HEATR3: variants seen among roughly 807,000 people sequenced by gnomAD.
HEATR3 encodes HEAT repeat-containing protein 3.
A neutral mutation model predicts 72.8 loss-of-function variants in HEATR3; 56 were observed. The ratio of observed to expected loss-of-function variants is 0.77; its 90% confidence interval spans 0.62 to 0.96. HEATR3 has a LOEUF of 0.96. HEATR3 is among the 40% of genes least tolerant of loss of function. The pLI is 0.00. For missense variants in HEATR3, 747 were observed against 831.4 expected (o/e 0.90, Z 1.25); for synonymous variants, 331 against 318.1 (o/e 1.04, Z -0.43).
At chr16:50,103,052 T>C (rs1224025877) in intron 14 of HEATR3, among the ~76,000 whole-genome samples, 1 of 152,220 alleles carries the variant, frequency 6.6e-6, no homozygotes, top group African/African-American at 2.4e-5. Flanking sequence ...TGTGAGCCAC[T>C]GTGCCCAGCC....
At chr16:50,100,136 C>T in intron 12 of HEATR3, 94 bp from the exon 13 acceptor site, 3 of 1,186,610 alleles carry the variant, frequency 2.5e-6, no homozygotes, top group South Asian at 3.0e-5. Context: ...AATCCTGTAG[C>T]CTATAGAGGA....
chr16:50,092,603 AT>A (rs907997732), intron 11 of HEATR3, among the ~76,000 whole-genome samples: 41 of 143,596 alleles, frequency 2.9e-4, no homozygotes, highest in Admixed American at 7.6e-4. Context: ...CGCCTGGCTA[AT>A]TTTTTTTTTT....
At chr16:50,068,547 A>T (rs1484403754) in intron 2 of HEATR3, among the ~76,000 whole-genome samples, 2 of 152,140 alleles carry the variant, frequency 1.3e-5, no homozygotes, top group Non-Finnish European at 2.9e-5. Context: ...GCACCTGTAT[A>T]CTGTTTCAGA....
At chr16:50,083,840 G>C in intron 7 of HEATR3, 97 bp from the exon 8 acceptor site, 1 of 1,068,848 alleles carries the variant, frequency 9.4e-7, no homozygotes, top group Non-Finnish European at 1.4e-6. Flanking sequence ...TATTCCAAGC[G>C]CAAAAATCTT....
chr16:50,092,970 G>C (rs906813346), intron 11 of HEATR3, among the ~76,000 whole-genome samples: 3 of 152,164 alleles, frequency 2.0e-5, no homozygotes, highest in Non-Finnish European at 2.9e-5. Context: ...TCTGTGAGGA[G>C]GTAACATTTG....
In HEATR3 at chr16:50,084,241, C is replaced by G. The variant is rs759405670; in HGVS notation, c.1240C>G (p.Leu414Val). ...GGGACAGCTGTTTTCTCCCCTCTGC[C>G]TCTCCCATGAAGTTCACACGGCTCT... ...CGGQLFSPLC[L>V]SHEVHTALTN... The change falls in exon 9 of 15, where the codon CTC becomes GTC. Residue 414 changes from leucine (L) to valine (V), a missense_variant. Around this residue, in one of 2 missense-constraint regions of HEATR3, gnomAD observed 586 missense variants for 708.8 expected, o/e 0.83. Coordinates refer to ENST00000299192, the MANE Select transcript of HEATR3 (RefSeq NM_182922.4). 6.2e-7 allele frequency: 1 copy of G among 1,614,136 alleles called. No homozygotes were observed. Among genetic ancestry groups the G allele is most frequent in the Non-Finnish European group, 8.5e-7 (1 of 1,180,024 alleles).
chr16:50,084,264 T>A lies in HEATR3; in HGVS notation c.1263T>A (p.Ala421=). 6.2e-7 allele frequency: 1 copy of A among 1,614,096 alleles called. No homozygotes were observed. ...GCCTCTCCCATGAAGTTCACACGGCTCTCACCAACTACCTCATCCCAAAGA... is the reference window on the plus strand; with the variant it reads ...GCCTCTCCCATGAAGTTCACACGGCACTCACCAACTACCTCATCCCAAAGA... ...PLCLSHEVHT[A]LTNYLIPKKI... The change falls in exon 9 of 15, where the codon GCT becomes GCA. Residue 421 remains alanine, a synonymous_variant. Transcript: ENST00000299192.
At chr16:50,087,411 C>CA (rs754514095) in intron 11 of HEATR3, among the ~76,000 whole-genome samples, 168 of 151,558 alleles carry the variant, frequency 1.1e-3, no homozygotes, top group African/African-American at 3.0e-3. Flanking sequence ...GAGGGAAAAA[C>CA]AAAAAAAACA....
At chr16:50,093,171 C>T (rs1415879310) in intron 11 of HEATR3, among the ~76,000 whole-genome samples, 3 of 152,158 alleles carry the variant, frequency 2.0e-5, no homozygotes, top group African/African-American at 7.2e-5. Flanking sequence ...AGAATTTGAA[C>T]AGAAGCTGCC....
chr16:50,091,862 A>G (rs1428781998), intron 11 of HEATR3, among the ~76,000 whole-genome samples: 50 of 148,090 alleles, frequency 3.4e-4, no homozygotes, highest in Non-Finnish European at 7.0e-4. Flanking sequence ...CAACAGAGCG[A>G]GACTCTGTCT....
chr16:50,098,290 A>G (rs1041212128), intron 12 of HEATR3: 1 of 152,138 alleles, frequency 6.6e-6, no homozygotes, highest in African/African-American at 2.4e-5. Context: ...GTGGGTTATC[A>G]GGACTTATTA....
intron 3 of HEATR3, 119 bp downstream of exon 3, chr16:50,068,986 C>T (rs748248155): frequency 1.2e-5 from 8 of 685,442 alleles, no homozygotes; most frequent in Non-Finnish European, 2.1e-5. Flanking sequence ...AATTTCATTC[C>T]TTTTCCTGGA....
In HEATR3 at chr16:50,093,351, G is replaced by T. The variant is rs76432507; in HGVS notation, c.1511-1354G>T. 7.2e-3 allele frequency among the ~76,000 whole-genome samples: 1,095 copies of T among 152,272 alleles called. 19 individuals are homozygous for T. Among genetic ancestry groups the T allele is most frequent in the African/African-American group, 0.025 (1,044 of 41,540 alleles). On this transcript the variant is annotated intron_variant, in intron 11 of 14. Transcript: ENST00000299192. ...ATTTCTCGAAGTTTCCTTTGGTCAA[G>T]AATTTAGACAGGGCACAGTGGAGAT...
chr16:50,093,287 C>G (rs1597168417), intron 11 of HEATR3, among the ~76,000 whole-genome samples: 2 of 152,232 alleles, frequency 1.3e-5, no homozygotes, highest in Middle Eastern at 6.8e-3. Flanking sequence ...CAAGTTATTC[C>G]AAAACTCTGT....
chr16:50,102,184 T>A, intron 13 of HEATR3, 75 bp from the exon 14 acceptor site: 1 of 1,245,342 alleles, frequency 8.0e-7, no homozygotes. Flanking sequence ...ATGCATGAGT[T>A]ATTGCCACAT....
chr16:50,071,151 C>CT (rs1281828608), intron 4 of HEATR3, among the ~76,000 whole-genome samples: 2 of 152,212 alleles, frequency 1.3e-5, no homozygotes, highest in Admixed American at 1.3e-4. Context: ...ATGGAAATGG[C>CT]TAGAAACACA....
At chr16:50,098,012 T>C (rs2037282842) in intron 12 of HEATR3, among the ~76,000 whole-genome samples, 1 of 152,070 alleles carries the variant, frequency 6.6e-6, no homozygotes, top group Admixed American at 6.6e-5. Flanking sequence ...GGAGTGCTTA[T>C]TGCTATCATG....
rs879847911 is a variant in HEATR3, at chr16:50,106,014, G to A, written c.*953G>A. The stretch of plus-strand genomic sequence containing the variant: ...ATCTCAGGTAGCTCTTAACTAATTC[G>A]CCAGCAGTGAAGAAACTTCAACCAA... On this transcript the variant is annotated 3_prime_UTR_variant, in exon 15 of 15. Coordinates refer to ENST00000299192, the MANE Select transcript of HEATR3 (RefSeq NM_182922.4). The A allele has an allele frequency of 3.9e-5, 6 of 152,148 alleles. No homozygotes were observed. Among genetic ancestry groups the A allele is most frequent in the Admixed American group, 6.6e-5 (1 of 15,264 alleles). The allele number at this position is 152,148 out of a possible 1,614,324, so 9.4% of individuals were successfully genotyped here.
chr16:50,083,837 A>G (rs1010747817), intron 7 of HEATR3, 100 bp from the exon 8 acceptor site: 6 of 1,021,168 alleles, frequency 5.9e-6, no homozygotes, highest in Non-Finnish European at 8.6e-6. Flanking sequence ...CTCTATTCCA[A>G]GCGCAAAAAT....
Sources: gnomAD v4.1 joint callset for allele counts (sites outside exome capture counted in the v4.1 genomes callset) on GRCh38, gnomAD v4.1.1 for gene constraint, gnomAD v4.1.1 regional missense constraint, MANE v1.5 for transcripts, NCBI Gene and HGNC (gene_info 2026-07-23, HGNC 2026-07-21) for gene names.